VSIR: variants seen among roughly 807,000 people sequenced by gnomAD.
The protein encoded by VSIR is V-type immunoglobulin domain-containing suppressor of T-cell activation.
VSIR carries 10 observed loss-of-function variants against 31.0 expected under a neutral mutation model. The observed-to-expected ratio is 0.32, with a 90% CI of 0.20 to 0.55. VSIR has a LOEUF of 0.55. VSIR is among the 20% of genes least tolerant of loss of function. The probability of loss-of-function intolerance (pLI) is 0.93; values close to 1 mark genes in which losing one functional copy is unlikely to be tolerated. For missense variants in VSIR, 356 were observed against 416.2 expected (o/e 0.86, Z 1.26); for synonymous variants, 179 against 180.1 (o/e 0.99, Z 0.05).
chr10:71,758,435 A>G (rs1246305720), intron 3 of VSIR, among the ~76,000 whole-genome samples: 1 of 152,130 alleles, frequency 6.6e-6, no homozygotes, highest in East Asian at 1.9e-4. Flanking sequence ...GTGCCCTTGC[A>G]TTTTGTCTCC....
intron 3 of VSIR, 74 bp downstream of exon 3, chr10:71,760,794 A>C: frequency 6.8e-7 from 1 of 1,464,378 alleles, no homozygotes; most frequent in Non-Finnish European, 9.6e-7. Context: ...CCAGAGTTCC[A>C]AACAGGGTCT....
chr10:71,760,012 C>T (rs1431743400), intron 3 of VSIR, among the ~76,000 whole-genome samples: 1 of 105,554 alleles, frequency 9.5e-6, no homozygotes, highest in Non-Finnish European at 2.1e-5. Flanking sequence ...CATATATATA[C>T]ACACACACAT....
At chr10:71,763,364 A>C (rs1840446396) in intron 1 of VSIR, among the ~76,000 whole-genome samples, 1 of 152,162 alleles carries the variant, frequency 6.6e-6, no homozygotes, top group Admixed American at 6.5e-5. Context: ...GCAGAGAGGG[A>C]AGGAGGGTTA....
At position 71,755,461 on chromosome 10, in the gene VSIR, T is replaced by A. The variant is rs150450963; in HGVS notation, c.574A>T (p.Thr192Ser). ...GCACCCGTAGCCAGGGCTGCAGCCGTGATGTCTGAAAGGGCAGAGAGGTAG... is the reference window on the plus strand; with the variant it reads ...GCACCCGTAGCCAGGGCTGCAGCCGAGATGTCTGAAAGGGCAGAGAGGTAG... Reference protein sequence around the residue: ...PSSSQDSENITAAALATGACI... With the variant: ...PSSSQDSENISAAALATGACI... Residue 192 changes from threonine to serine, a missense_variant, in exon 4 of 7, where the codon ACG (threonine) becomes TCG (serine). Physicochemically the swap from Thr to Ser is moderately conservative, Grantham distance 58. Around this residue, in one of 2 missense-constraint regions of VSIR, gnomAD observed 190 missense variants for 185.2 expected, o/e 1.03. Coordinates refer to ENST00000394957, the MANE Select transcript of VSIR (RefSeq NM_022153.2). The A allele has an allele frequency of 1.6e-5, 26 of 1,610,522 alleles. No homozygotes were observed. The highest frequency in any genetic ancestry group is 2.2e-5 in the Non-Finnish European group (26 of 1,178,698).
At chr10:71,772,584 G>T (rs905616775) in intron 1 of VSIR, among the ~76,000 whole-genome samples, 6 of 152,208 alleles carry the variant, frequency 3.9e-5, no homozygotes, top group African/African-American at 1.4e-4. Flanking sequence ...GGGGAAAATG[G>T]TGCTTCCCTG....
In VSIR at chr10:71,760,853, A is replaced by G; in HGVS notation, c.568+15T>C. Reference sequence around the variant, plus strand: ...AAACAGAGAACCCAAAAGGGGCAAGAGGTTGGTCCCTTACTTTCACTATCC... The same window carrying G: ...AAACAGAGAACCCAAAAGGGGCAAGGGGTTGGTCCCTTACTTTCACTATCC... On this transcript the variant is annotated intron_variant, in intron 3 of 6. Coordinates refer to ENST00000394957, the MANE Select transcript of VSIR (RefSeq NM_022153.2). 6 of 1,609,834 alleles carry G rather than the reference A, an allele frequency of 3.7e-6. No homozygotes were observed. Among genetic ancestry groups the G allele is most frequent in the Non-Finnish European group, 4.3e-6 (5 of 1,176,144 alleles).
At chr10:71,772,490 A>G (rs943407649) in intron 1 of VSIR, among the ~76,000 whole-genome samples, 6 of 152,252 alleles carry the variant, frequency 3.9e-5, no homozygotes, top group African/African-American at 1.2e-4. Context: ...GGCCATGGGT[A>G]CCAGGGCCTC....
intron 1 of VSIR, among the ~76,000 whole-genome samples, chr10:71,765,927 G>A (rs1215244717): frequency 6.6e-6 from 1 of 152,148 alleles, no homozygotes; most frequent in Non-Finnish European, 1.5e-5. Context: ...GGGGAGGGAG[G>A]GAAGGCCAGA....
intron 1 of VSIR, among the ~76,000 whole-genome samples, chr10:71,765,738 G>A (rs928367804): frequency 3.9e-5 from 6 of 152,074 alleles, no homozygotes; most frequent in Admixed American, 3.3e-4. Context: ...CTCACACACT[G>A]GCCACCCATC....
intron 3 of VSIR, among the ~76,000 whole-genome samples, chr10:71,759,182 C>T (rs1327612074): frequency 6.6e-6 from 1 of 151,894 alleles, no homozygotes; most frequent in Non-Finnish European, 1.5e-5. Context: ...GGACTACAGG[C>T]GTGCACCACC....
chr10:71,752,862 C>T lies in VSIR; in HGVS notation c.704+113G>A, dbSNP rs111695855. On this transcript the variant is annotated intron_variant, in intron 5 of 6. Coordinates refer to ENST00000394957, the MANE Select transcript of VSIR (RefSeq NM_022153.2). ...AGGCTTCAGCAGCAGATGGCAGAGG[C>T]TCTTCTGACCAGCTGCTCTAGGCAG... The T allele has an allele frequency of 9.4e-6, 12 of 1,277,114 alleles. No homozygotes were observed. The African/African-American group carries it at 1.2e-4, about 13-fold the overall frequency. 79.1% of individuals were successfully genotyped at this position (1,277,114 alleles called of 1,614,324 possible). A position where few individuals can be genotyped will look rare whatever the true frequency, so the allele number is the denominator to read the frequency against.
At chr10:71,760,714 A>ATGTGC in intron 3 of VSIR, 154 bp downstream of exon 3, 2 of 702,492 alleles carry the variant, frequency 2.8e-6, no homozygotes, top group Non-Finnish European at 5.1e-6. Flanking sequence ...ACCAAGGAGG[A>ATGTGC]AGCAGAAGGG....
intron 1 of VSIR, among the ~76,000 whole-genome samples, chr10:71,766,068 G>GC (rs1275846381): frequency 6.6e-6 from 1 of 152,256 alleles, no homozygotes; most frequent in Non-Finnish European, 1.5e-5. Flanking sequence ...GCCTGCACGT[G>GC]CCCCGCGGAC....
Position 71,761,961 on chromosome 10 carries a change from C to G in VSIR, c.148G>C (p.Val50Leu). 6.2e-7 allele frequency: 1 copy of G among 1,613,878 alleles called. No individual in the cohort carries two copies. Among genetic ancestry groups the G allele is most frequent in the Non-Finnish European group, 8.5e-7 (1 of 1,179,994 alleles). Residue 50 changes from valine (V) to leucine (L), a missense_variant, in exon 2 of 7, where the codon GTC (valine) becomes CTC (leucine). Transcript: ENST00000394957. ...SLYVCPEGQN[V>L]TLTCRLLGPV... ...CCCAAGAGCCTGCAGGTGAGGGTGA[C>G]GTTCTGCCCCTCGGGACAGACATAC...
At chr10:71,763,815 G>A (rs1271981047) in intron 1 of VSIR, among the ~76,000 whole-genome samples, 5 of 152,208 alleles carry the variant, frequency 3.3e-5, no homozygotes, top group African/African-American at 1.2e-4. Flanking sequence ...TGCCTCCTAG[G>A]AGTGAGAAGC....
At chr10:71,752,805 G>GGCAGGAGAACA (rs1160358950) in intron 5 of VSIR, among the ~76,000 whole-genome samples, 170 bp downstream of exon 5, 4 of 152,180 alleles carry the variant, frequency 2.6e-5, no homozygotes, top group African/African-American at 9.7e-5. Context: ...GAGTCGGGGT[G>GGCAGGAGAACA]GCAGGAGAAC....
intron 1 of VSIR, among the ~76,000 whole-genome samples, chr10:71,767,839 T>C (rs985424791): frequency 6.6e-6 from 1 of 152,168 alleles, no homozygotes; most frequent in Non-Finnish European, 1.5e-5. Context: ...CCAGGCTCTA[T>C]TGAAGGAAGC....
chr10:71,753,080 T>C (rs1840047030), intron 4 of VSIR, 78 bp from the exon 5 acceptor site: 1 of 1,540,860 alleles, frequency 6.5e-7, no homozygotes, highest in Admixed American at 1.9e-5. Context: ...TGCTGGCAGA[T>C]GCCCTGCAGG....
At position 71,759,846 on chromosome 10, in the gene VSIR, C is replaced by CACACACATAT. The variant is rs776230069; in HGVS notation, c.568+1021_568+1022insATATGTGTGT. ...ACACACACACACACACACACACACACATATACACACACACACACATATATA... is the reference window on the plus strand; with the variant it reads ...ACACACACACACACACACACACACACACACACATATATATACACACACACACACATATATA... On this transcript the variant is annotated intron_variant, in intron 3 of 6. Coordinates refer to ENST00000394957, the MANE Select transcript of VSIR (RefSeq NM_022153.2). Among the ~76,000 whole-genome samples the CACACACATAT allele has an allele frequency of 3.1e-3, 188 of 59,954 alleles. 5 individuals are homozygous for CACACACATAT. Among genetic ancestry groups the CACACACATAT allele is most frequent in the Middle Eastern group, 7.2e-3 (1 of 138 alleles). The allele number at this position is 59,954 out of a possible 152,430, so 39.3% of individuals were successfully genotyped here.
Sources: gnomAD v4.1 joint callset for allele counts (sites outside exome capture counted in the v4.1 genomes callset) on GRCh38, gnomAD v4.1.1 for gene constraint, gnomAD v4.1.1 regional missense constraint, MANE v1.5 for transcripts, NCBI Gene and HGNC (gene_info 2026-07-23, HGNC 2026-07-21) for gene names.